The following AKAP12 variants were observed in gnomAD, a reference collection of about 807,000 sequenced individuals.
AKAP12 encodes A-kinase anchoring protein 12.
Under a neutral mutation model 79.9 loss-of-function variants are expected in AKAP12, and 32 were observed. That is an observed-to-expected ratio of 0.40 (90% CI 0.30 to 0.54). The LOEUF is 0.54. Ranked by LOEUF, AKAP12 falls within the 20% of genes least tolerant of loss-of-function variation. The probability of loss-of-function intolerance (pLI) is 0.48; values close to 1 mark genes in which losing one functional copy is unlikely to be tolerated. For synonymous variants in AKAP12, 808 were observed against 857.0 expected (o/e 0.94, Z 1.00); for missense variants, 2,074 against 2,177.0 (o/e 0.95, Z 0.94).
At chr6:151,330,848 T>C (rs1473987812) in intron 3 of AKAP12, among the ~76,000 whole-genome samples, 2 of 152,172 alleles carry the variant, frequency 1.3e-5, no homozygotes, top group Non-Finnish European at 2.9e-5. Context: ...ACACACGGGC[T>C]GTCTCTACAT....
rs773950917 is a variant in AKAP12, at chr6:151,349,807, C to T, written c.1416C>T (p.Ser472=). The change falls in exon 4 of 5, where the codon TCC becomes TCT. Residue 472 remains serine, a synonymous_variant. Coordinates refer to ENST00000402676, the MANE Select transcript of AKAP12 (RefSeq NM_005100.4). ...ELVKLKETCV[S]GEDPTQGADL... ...TGAAGCTCAAAGAAACGTGTGTTTC[C>T]GGAGAGGACCCTACACAGGGAGCTG... is the stretch of plus-strand genomic sequence containing the variant. 1.8e-5 allele frequency: 29 copies of T among 1,613,942 alleles called. No homozygotes were observed. The highest frequency in any genetic ancestry group is 6.7e-5 in the Admixed American group (4 of 59,982).
chr6:151,311,884 A>G (rs142839622), intron 3 of AKAP12, among the ~76,000 whole-genome samples: 1 of 152,240 alleles, frequency 6.6e-6, no homozygotes, highest in African/African-American at 2.4e-5. Flanking sequence ...TGAACATTTA[A>G]TAACTTTATC....
intron 2 of AKAP12, among the ~76,000 whole-genome samples, chr6:151,295,630 A>G (rs796816914): frequency 6.6e-6 from 1 of 152,224 alleles, no homozygotes; most frequent in South Asian, 2.1e-4. Flanking sequence ...TTTTTGCACT[A>G]GGATTAAATT....
intron 2 of AKAP12, among the ~76,000 whole-genome samples, chr6:151,251,571 A>G (rs1232620173): frequency 6.6e-6 from 1 of 152,216 alleles, no homozygotes; most frequent in African/African-American, 2.4e-5. Flanking sequence ...TAGTCTGACA[A>G]GAACATCTAC....
rs777452665 is a variant in AKAP12 at position 151,349,496 on chromosome 6, C to T, written c.1105C>T (p.Arg369Trp). Residue 369 changes from arginine to tryptophan, a missense_variant, in exon 4 of 5, where the codon CGG becomes TGG. Physicochemically the swap from Arg to Trp is moderately radical, Grantham distance 101. Around this residue, in one of 3 missense-constraint regions of AKAP12, gnomAD observed 1,428 missense variants for 1,451.0 expected, o/e 0.98. Coordinates refer to ENST00000402676, the MANE Select transcript of AKAP12 (RefSeq NM_005100.4). ...QEPAESAHEPRLSAEYEKVEL... is the reference protein window; with the variant it reads ...QEPAESAHEPWLSAEYEKVEL... ...GCCGGCAGAAAGTGCCCACGAGCCC[C>T]GGTTATCAGCTGAATATGAGAAAGT... is the stretch of plus-strand genomic sequence containing the variant. 15 of 1,608,298 alleles carry T rather than the reference C, an allele frequency of 9.3e-6. No individual in the cohort carries two copies. Among genetic ancestry groups the T allele is most frequent in the African/African-American group, 4.0e-5 (3 of 74,134 alleles).
intron 2 of AKAP12, among the ~76,000 whole-genome samples, chr6:151,300,208 A>G (rs1174860699): frequency 6.6e-6 from 1 of 152,166 alleles, no homozygotes; most frequent in African/African-American, 2.4e-5. Flanking sequence ...TTCCTTCCAG[A>G]TAATCTTTAA....
At chr6:151,318,109 G>T (rs145324139) in intron 3 of AKAP12, among the ~76,000 whole-genome samples, 1 of 152,208 alleles carries the variant, frequency 6.6e-6, no homozygotes, top group East Asian at 1.9e-4. Context: ...GCCTTTGTGA[G>T]GTACTTAGGT....
intron 2 of AKAP12, among the ~76,000 whole-genome samples, chr6:151,274,965 C>T (rs1776261696): frequency 6.6e-6 from 1 of 152,026 alleles, no homozygotes; most frequent in Admixed American, 6.6e-5. Context: ...TTAACCAGGC[C>T]TGATGGCACA....
chr6:151,251,315 T>C (rs1250755085), intron 2 of AKAP12, among the ~76,000 whole-genome samples: 1 of 152,176 alleles, frequency 6.6e-6, no homozygotes, highest in Non-Finnish European at 1.5e-5. Context: ...GAGTGCGTCG[T>C]GAACCCCTGG....
rs202186710 is a variant in AKAP12 at position 151,352,971 on chromosome 6, G to T, written c.4580G>T (p.Ser1527Ile). 1.3e-6 allele frequency: 2 copies of T among 1,532,082 alleles called. No homozygotes were observed. Among genetic ancestry groups the T allele is most frequent in the East Asian group, 4.6e-5 (2 of 43,096 alleles). The allele number at this position is 1,532,082 out of a possible 1,614,324, so 94.9% of individuals were successfully genotyped here. A position where few individuals can be genotyped will look rare whatever the true frequency, so the allele number is the denominator to read the frequency against. ...GTTGCTTGCCAGGAGGTCAAAGTGA[G>T]TGTAGCAATTGAGGATTTAGAGCCT... ...EQVACQEVKV[S>I]VAIEDLEPEN... Residue 1527 changes from serine (S) to isoleucine (I), a missense_variant, in exon 4 of 5, where the codon AGT becomes ATT. Around this residue, in one of 3 missense-constraint regions of AKAP12, gnomAD observed 614 missense variants for 665.6 expected, o/e 0.92. Coordinates refer to ENST00000402676, the MANE Select transcript of AKAP12 (RefSeq NM_005100.4).
chr6:151,284,155 A>G (rs1340218382), intron 2 of AKAP12, among the ~76,000 whole-genome samples: 2 of 152,266 alleles, frequency 1.3e-5, no homozygotes, highest in East Asian at 3.9e-4. Context: ...CCTCCCTTGC[A>G]TCTCCTCCTG....
At chr6:151,348,690 C>A in intron 3 of AKAP12, 21 bp from the exon 4 acceptor site, 3 of 328,002 alleles carry the variant, frequency 9.1e-6, no homozygotes, top group Admixed American at 4.1e-5. Flanking sequence ...TCCCCACCCC[C>A]CCGCCCCTTT....
chr6:151,333,914 G>GGA (rs1777745564), intron 3 of AKAP12, among the ~76,000 whole-genome samples: 1 of 151,992 alleles, frequency 6.6e-6, no homozygotes, highest in Non-Finnish European at 1.5e-5. Flanking sequence ...GAGGAGGTGA[G>GGA]GAGGGGGAGG....
chr6:151,316,225 ATCAGGTAGTT>A (rs71874935), intron 3 of AKAP12, among the ~76,000 whole-genome samples: 5,489 of 152,324 alleles, frequency 0.036, 117 homozygotes, highest in African/African-American at 0.057. Context: ...ATAGCCTGAT[ATCAGGTAGTT>A]TTCCTCCGAC....
At chr6:151,258,536 C>A (rs1416158052) in intron 2 of AKAP12, among the ~76,000 whole-genome samples, 1 of 152,134 alleles carries the variant, frequency 6.6e-6, no homozygotes, top group Non-Finnish European at 1.5e-5. Flanking sequence ...ACCTAAAAAT[C>A]AACATAGGGC....
At position 151,352,861 on chromosome 6, in the gene AKAP12, T is replaced by C. The variant is rs1386023476; in HGVS notation, c.4470T>C (p.Ala1490=). The C allele has an allele frequency of 4.3e-6, 7 of 1,614,050 alleles. No individual in the cohort carries two copies. Among genetic ancestry groups the C allele is most frequent in the African/African-American group, 2.7e-5 (2 of 74,914 alleles). ...QAKSTPVIVS[A]TTKKGLSSDL... is the part of the protein sequence containing the mutation. ...AATCGACACCAGTGATAGTATCTGCTACTACCAAGAAAGGCTTAAGTTCCG... is the reference window on the plus strand; with the variant it reads ...AATCGACACCAGTGATAGTATCTGCCACTACCAAGAAAGGCTTAAGTTCCG... The change falls in exon 4 of 5, where the codon GCT becomes GCC. Residue 1490 remains alanine (A), a synonymous_variant. Coordinates refer to ENST00000402676, the MANE Select transcript of AKAP12 (RefSeq NM_005100.4).
chr6:151,281,666 G>A (rs1240599298), intron 2 of AKAP12, among the ~76,000 whole-genome samples: 5 of 152,112 alleles, frequency 3.3e-5, no homozygotes, highest in Admixed American at 6.5e-5. Flanking sequence ...ATTTCCTGCG[G>A]CTTCATTCTT....
intron 3 of AKAP12, among the ~76,000 whole-genome samples, chr6:151,320,269 T>A (rs1777343488): frequency 6.6e-6 from 1 of 151,874 alleles, no homozygotes; most frequent in Non-Finnish European, 1.5e-5. Context: ...TCTCTTCCTG[T>A]GTCACTGCTT....
At chr6:151,282,732 C>T (rs1008400380) in intron 2 of AKAP12, among the ~76,000 whole-genome samples, 6 of 152,140 alleles carry the variant, frequency 3.9e-5, no homozygotes, top group African/African-American at 1.2e-4. Flanking sequence ...GCTGATTCCC[C>T]GACTTCTCTT....
Sources: allele counts gnomAD v4.1 joint callset (sites outside exome capture counted in the v4.1 genomes callset), GRCh38; gene constraint gnomAD v4.1.1; regional missense constraint gnomAD v4.1.1; transcripts MANE v1.5; gene names NCBI Gene and HGNC (gene_info 2026-07-23, HGNC 2026-07-21).